The following NUDT3 variants were observed in gnomAD, a reference collection of about 807,000 sequenced individuals.
NUDT3 encodes diphosphoinositol polyphosphate phosphohydrolase 1.
A neutral mutation model predicts 23.6 loss-of-function variants in NUDT3; 9 were observed. That is an observed-to-expected ratio of 0.38 (90% CI 0.23 to 0.66). The LOEUF is 0.66. Among genes scored for constraint, NUDT3 ranks in the 30% least tolerant of loss-of-function variants. The probability of loss-of-function intolerance (pLI) is 0.52; values close to 1 mark genes in which losing one functional copy is unlikely to be tolerated. For synonymous variants in NUDT3, 86 were observed against 82.6 expected, an observed-to-expected ratio of 1.04 and a Z score of -0.22; for missense variants, 172 against 218.5, an observed-to-expected ratio of 0.79 and a Z score of 1.34.
chr6:34,300,518 A>C (rs377491702), intron 2 of NUDT3, among the ~76,000 whole-genome samples: 1 of 152,238 alleles, frequency 6.6e-6, no homozygotes, highest in South Asian at 2.1e-4. Context: ...GCTGTCTCTC[A>C]GGGACTTCTG....
At chr6:34,367,509 T>G (rs1764756738) in intron 1 of NUDT3, among the ~76,000 whole-genome samples, 1 of 148,794 alleles carries the variant, frequency 6.7e-6, no homozygotes, top group Non-Finnish European at 1.5e-5. Flanking sequence ...AAAAAAAATG[T>G]AATAAATAAA....
At chr6:34,391,990 G>T (rs999470311) in intron 1 of NUDT3, among the ~76,000 whole-genome samples, 7 of 152,000 alleles carry the variant, frequency 4.6e-5, no homozygotes, top group Admixed American at 4.6e-4. Context: ...CGCTCTCCCC[G>T]GTAACAGGCG....
chr6:34,308,275 T>C (rs761607350), intron 2 of NUDT3, among the ~76,000 whole-genome samples: 18 of 147,068 alleles, frequency 1.2e-4, no homozygotes, highest in Non-Finnish European at 2.4e-4. Flanking sequence ...CTGGTCAACA[T>C]AGGGACACCC....
intron 1 of NUDT3, among the ~76,000 whole-genome samples, chr6:34,385,228 G>C (rs1765086065): frequency 6.6e-6 from 1 of 152,120 alleles, no homozygotes; most frequent in Non-Finnish European, 1.5e-5. Context: ...AGGCCAAGAA[G>C]GGAGGATCAC....
At chr6:34,375,683 G>A (rs1764910994) in intron 1 of NUDT3, among the ~76,000 whole-genome samples, 1 of 152,148 alleles carries the variant, frequency 6.6e-6, no homozygotes, top group Admixed American at 6.5e-5. Flanking sequence ...ATATAACTCA[G>A]ACTCTTGGGT....
chr6:34,360,815 A>C (rs949407737), intron 1 of NUDT3, among the ~76,000 whole-genome samples: 1 of 152,188 alleles, frequency 6.6e-6, no homozygotes, highest in African/African-American at 2.4e-5. Flanking sequence ...TTTTCACAAG[A>C]CTTATCTGAT....
At chr6:34,314,460 G>T (rs1322071225) in intron 2 of NUDT3, among the ~76,000 whole-genome samples, 1 of 150,974 alleles carries the variant, frequency 6.6e-6, no homozygotes, top group Non-Finnish European at 1.5e-5. Context: ...TCGGGAGGCT[G>T]AGGCAGAAGA....
At chr6:34,389,226 C>T (rs1047327936) in intron 1 of NUDT3, among the ~76,000 whole-genome samples, 3 of 152,184 alleles carry the variant, frequency 2.0e-5, no homozygotes, top group Non-Finnish European at 4.4e-5. Context: ...TGGGGAGTTT[C>T]CCCCATGCGG....
chr6:34,335,215 C>T (rs1764191022), intron 2 of NUDT3, among the ~76,000 whole-genome samples: 1 of 152,064 alleles, frequency 6.6e-6, no homozygotes, highest in Non-Finnish European at 1.5e-5. Context: ...TTGATTCATG[C>T]TGTGTGAACT....
Position 34,282,409 on chromosome 6 carries a change from G to A in NUDT3, c.*6344C>T, listed in dbSNP as rs533047324. ...AGCCACGCGCCCCACCCTACAGGGA[G>A]GGGAGTAGAATCTTATGGCCCAGCA... On this transcript the variant is annotated 3_prime_UTR_variant, in exon 5 of 5. Coordinates refer to ENST00000607016, the MANE Select transcript of NUDT3 (RefSeq NM_006703.4). The A allele has an allele frequency of 2.6e-5, 4 of 152,250 alleles. No individual in the cohort carries two copies. In the East Asian group the frequency reaches 5.8e-4, roughly 22 times the overall value. 9.4% of individuals were successfully genotyped at this position (152,250 alleles called of 1,614,324 possible). A position where few individuals can be genotyped will look rare whatever the true frequency, so the allele number is the denominator to read the frequency against.
intron 1 of NUDT3, among the ~76,000 whole-genome samples, chr6:34,369,814 T>C (rs1309113127): frequency 6.6e-6 from 1 of 152,134 alleles, no homozygotes; most frequent in Non-Finnish European, 1.5e-5. Flanking sequence ...AACTTGGCAA[T>C]ATTAGGCAGC....
At chr6:34,297,735 AT>A in intron 2 of NUDT3, among the ~76,000 whole-genome samples, 1 of 33,350 alleles carries the variant, frequency 3.0e-5, no homozygotes, top group South Asian at 1.1e-3. Flanking sequence ...AAAAAAATAT[AT>A]ATATATATAT....
At position 34,392,561 on chromosome 6, in the gene NUDT3, C is replaced by A. The variant is rs1311613562; in HGVS notation, c.-199G>T. ...GGCCCAGGTCCCGCGCCGCCGCTGC[C>A]ACCGTCACGGCTGCCGTCTCCGCTG... On this transcript the variant is annotated 5_prime_UTR_variant, in exon 1 of 5. Transcript: ENST00000607016. 5 of 373,554 alleles carry A rather than the reference C, an allele frequency of 1.3e-5. No homozygotes were observed. Among genetic ancestry groups the A allele is most frequent in the Non-Finnish European group, 2.4e-5 (5 of 209,342 alleles). The allele number at this position is 373,554 out of a possible 1,614,324, so 23.1% of individuals were successfully genotyped here.
At position 34,392,289 on chromosome 6, in the gene NUDT3, C is replaced by A; in HGVS notation, c.74G>T (p.Cys25Phe). 1 of 1,604,808 alleles carries A rather than the reference C, an allele frequency of 6.2e-7. No homozygotes were observed. The highest frequency in any genetic ancestry group is 2.3e-5 in the East Asian group (1 of 44,174). The change falls in exon 1 of 5, where the codon TGT (cysteine) becomes TTT (phenylalanine). Residue 25 changes from cysteine to phenylalanine, a missense_variant. This residue lies in a region of NUDT3 where 50 missense variants were observed against 46.2 expected (regional missense o/e 1.08). Coordinates refer to ENST00000607016, the MANE Select transcript of NUDT3 (RefSeq NM_006703.4). ...DGYKKRAACLCFRSESEEEVL... is the reference protein window; with the variant it reads ...DGYKKRAACLFFRSESEEEVL... ...CTCCTCCTCGCTCTCGCTGCGGAAA[C>A]ACAGGCATGCGGCCCGCTTCTTGTA...
chr6:34,359,245 C>A (rs555426035), intron 1 of NUDT3, among the ~76,000 whole-genome samples: 3 of 151,962 alleles, frequency 2.0e-5, no homozygotes, highest in South Asian at 2.1e-4. Context: ...TGGTGGCGGG[C>A]GCCTGTAGTC....
At chr6:34,360,641 T>C (rs1306076710) in intron 1 of NUDT3, among the ~76,000 whole-genome samples, 1 of 152,200 alleles carries the variant, frequency 6.6e-6, no homozygotes, top group Non-Finnish European at 1.5e-5. Flanking sequence ...AATGACCATT[T>C]AGTAAGACTG....
At chr6:34,297,406 C>CT (rs1351468167) in intron 2 of NUDT3, among the ~76,000 whole-genome samples, 1 of 152,000 alleles carries the variant, frequency 6.6e-6, no homozygotes, top group Non-Finnish European at 1.5e-5. Flanking sequence ...GTTCTGTACT[C>CT]TGATCCCAGG....
chr6:34,300,330 G>C (rs16885998), intron 2 of NUDT3, among the ~76,000 whole-genome samples: 1 of 152,110 alleles, frequency 6.6e-6, no homozygotes, highest in Non-Finnish European at 1.5e-5. Flanking sequence ...CCGACAATGA[G>C]GTTTGCCCAG....
intron 1 of NUDT3, among the ~76,000 whole-genome samples, chr6:34,389,799 T>A (rs1765165977): frequency 6.6e-6 from 1 of 151,790 alleles, no homozygotes; most frequent in Non-Finnish European, 1.5e-5. Context: ...CCATCTCTAC[T>A]AAAAATACAA....
Sources: allele counts gnomAD v4.1 joint callset (sites outside exome capture counted in the v4.1 genomes callset), GRCh38; gene constraint gnomAD v4.1.1; regional missense constraint gnomAD v4.1.1; transcripts MANE v1.5; gene names NCBI Gene and HGNC (gene_info 2026-07-23, HGNC 2026-07-21).